The following DAAM1 variants were observed in gnomAD, a reference collection of about 807,000 sequenced individuals.
The protein encoded by DAAM1 is dishevelled associated activator of morphogenesis 1, also known as disheveled-associated activator of morphogenesis 1.
A neutral mutation model predicts 130.0 loss-of-function variants in DAAM1; 52 were observed. The ratio of observed to expected loss-of-function variants is 0.40; its 90% CI spans 0.32 to 0.50. The LOEUF is 0.50. Among genes scored for constraint, DAAM1 ranks in the 20% least tolerant of loss-of-function variants. The pLI is 0.61. For missense variants in DAAM1, 1,134 were observed against 1,303.8 expected (o/e 0.87, Z 2.01); for synonymous variants, 452 against 444.5 (o/e 1.02, Z -0.21).
At chr14:59,282,899 AT>A (rs1399307684) in intron 2 of DAAM1, among the ~76,000 whole-genome samples, 1 of 152,176 alleles carries the variant, frequency 6.6e-6, no homozygotes, top group African/African-American at 2.4e-5. Context: ...CCAAAATCAT[AT>A]GCAGAGACCC....
chr14:59,352,991 CA>C (rs34084858), intron 18 of DAAM1, among the ~76,000 whole-genome samples: 82,528 of 129,508 alleles, frequency 0.64, 24,326 homozygotes, highest in East Asian at 0.83. Flanking sequence ...GGTTGTAAAA[CA>C]AAAAAAAAAA....
intron 2 of DAAM1, among the ~76,000 whole-genome samples, chr14:59,285,416 A>T (rs1021427300): frequency 6.6e-6 from 1 of 152,174 alleles, no homozygotes; most frequent in African/African-American, 2.4e-5. Context: ...CAATGAAAGG[A>T]TCAAATCCTC....
At chr14:59,293,299 T>A (rs916680310) in intron 3 of DAAM1, among the ~76,000 whole-genome samples, 2 of 152,220 alleles carry the variant, frequency 1.3e-5, no homozygotes, top group Non-Finnish European at 2.9e-5. Flanking sequence ...TCATGGAAAC[T>A]ACTGCCCCTT....
At chr14:59,263,712 G>A (rs1371334357) in intron 2 of DAAM1, 52 bp downstream of exon 2, 1 of 1,610,542 alleles carries the variant, frequency 6.2e-7, no homozygotes, top group Admixed American at 1.7e-5. Flanking sequence ...AGAAGGAGAA[G>A]AGGAGAGGAT....
intron 2 of DAAM1, among the ~76,000 whole-genome samples, chr14:59,278,193 A>G (rs144665704): frequency 7.2e-5 from 11 of 152,262 alleles, no homozygotes; most frequent in African/African-American, 2.2e-4. Flanking sequence ...GTGTGATCAG[A>G]TGAAGTGAGG....
At chr14:59,282,980 C>G (rs1883290190) in intron 2 of DAAM1, among the ~76,000 whole-genome samples, 1 of 152,066 alleles carries the variant, frequency 6.6e-6, no homozygotes. Flanking sequence ...ATTCCTAGTT[C>G]ATATGTGTTC....
chr14:59,340,096 A>G lies in DAAM1; in HGVS notation c.1991A>G (p.Asp664Gly), dbSNP rs1374477863. The G allele has an allele frequency of 1.9e-6, 3 of 1,613,512 alleles. No individual in the cohort carries two copies. The highest frequency in any genetic ancestry group is 2.5e-6 in the Non-Finnish European group (3 of 1,179,700). ...RQQKEADAID[D>G]TLSSKLKVKE... Reference sequence around the variant, plus strand: ...CAGAAAGAAGCAGATGCCATTGATGACACTCTGAGTTCCAAACTTAAAGTT... The same window carrying G: ...CAGAAAGAAGCAGATGCCATTGATGGCACTCTGAGTTCCAAACTTAAAGTT... The change falls in exon 16 of 25, where the codon GAC becomes GGC. Residue 664 changes from aspartate (D) to glycine (G), a missense_variant. Coordinates refer to ENST00000360909, the MANE Select transcript of DAAM1 (RefSeq NM_001270520.2).
chr14:59,324,269 T>C, intron 7 of DAAM1, 31 bp downstream of exon 7: 3 of 1,378,058 alleles, frequency 2.2e-6, no homozygotes, highest in South Asian at 2.0e-5. Flanking sequence ...AAAAATATAT[T>C]AGTAAATAAT....
At chr14:59,363,883 C>G in intron 23 of DAAM1, 101 bp downstream of exon 23, 3 of 1,510,854 alleles carry the variant, frequency 2.0e-6, no homozygotes, top group Non-Finnish European at 2.7e-6. Context: ...GGAGTGAGAT[C>G]CAAACTTCGT....
At chr14:59,357,572 A>G (rs1886532358) in intron 20 of DAAM1, among the ~76,000 whole-genome samples, 1 of 152,146 alleles carries the variant, frequency 6.6e-6, no homozygotes, top group Admixed American at 6.5e-5. Flanking sequence ...AGGTCAGGAG[A>G]TGGAGACCAT....
intron 12 of DAAM1, among the ~76,000 whole-genome samples, chr14:59,328,943 G>A (rs1271424916): frequency 6.6e-6 from 1 of 152,190 alleles, no homozygotes; most frequent in Non-Finnish European, 1.5e-5. Context: ...TGTTAAAATA[G>A]TCCAAGGGTA....
chr14:59,315,425 A>T, intron 4 of DAAM1, 74 bp downstream of exon 4: 1 of 1,410,486 alleles, frequency 7.1e-7, no homozygotes, highest in Non-Finnish European at 9.9e-7. Context: ...GTTGCACAAT[A>T]AATTCGATTG....
rs576829050 is a variant in DAAM1 at position 59,226,461 on chromosome 14, G to A, written c.-37-36980G>A. 1.4e-4 allele frequency among the ~76,000 whole-genome samples: 22 copies of A among 152,240 alleles called. No individual in the cohort carries two copies. In the South Asian group the frequency reaches 4.6e-3, roughly 32 times the overall value. On this transcript the variant is annotated intron_variant, in intron 1 of 24. Transcript: ENST00000360909. ...GACTGGAAAGCATAGGAGACTTTGG[G>A]CATTTAGGGTTCCAGGAAGAAAGTC... is the stretch of plus-strand genomic sequence containing the variant.
At chr14:59,282,798 A>G (rs1313728204) in intron 2 of DAAM1, among the ~76,000 whole-genome samples, 1 of 152,194 alleles carries the variant, frequency 6.6e-6, no homozygotes, top group Non-Finnish European at 1.5e-5. Flanking sequence ...AATATAAAAC[A>G]CTACTATTAA....
chr14:59,340,016 A>T (rs1431160548), intron 15 of DAAM1, 58 bp from the exon 16 acceptor site: 1 of 1,469,682 alleles, frequency 6.8e-7, no homozygotes, highest in Non-Finnish European at 9.5e-7. Context: ...GAAAGTGTGT[A>T]TCTGAAGTCT....
intron 1 of DAAM1, among the ~76,000 whole-genome samples, chr14:59,228,820 GT>G (rs1196948536): frequency 1.9e-4 from 29 of 152,044 alleles, no homozygotes; most frequent in African/African-American, 6.8e-4. Context: ...AGATCAAAAG[GT>G]TACTTTGTTT....
rs561805587 is a variant in DAAM1, at chr14:59,196,192, T to G, written c.-38+7424T>G. Among the ~76,000 whole-genome samples the G allele has an allele frequency of 1.0e-3, 152 of 152,314 alleles. 1 individual carries two copies. The highest frequency in any genetic ancestry group is 3.6e-3 in the African/African-American group (148 of 41,566). On this transcript the variant is annotated intron_variant, in intron 1 of 24. Coordinates refer to ENST00000360909, the MANE Select transcript of DAAM1 (RefSeq NM_001270520.2). Reference sequence around the variant, plus strand: ...CAGATGCCATCAATGTGTGTTTGGGTGCTACTTCTGGACTTACTCTTAGAT... The same window carrying G: ...CAGATGCCATCAATGTGTGTTTGGGGGCTACTTCTGGACTTACTCTTAGAT...
chr14:59,284,371 G>A (rs1374884952), intron 2 of DAAM1, among the ~76,000 whole-genome samples: 1 of 152,156 alleles, frequency 6.6e-6, no homozygotes, highest in African/African-American at 2.4e-5. Context: ...ACATGTCCAT[G>A]AGTATTATAG....
chr14:59,354,056 T>A (rs1594845660), intron 19 of DAAM1, 92 bp downstream of exon 19: 1 of 1,234,096 alleles, frequency 8.1e-7, no homozygotes, highest in Non-Finnish European at 1.1e-6. Context: ...CAAGATCCCC[T>A]TGGTGATTTT....
Sources: gnomAD v4.1 joint callset for allele counts (sites outside exome capture counted in the v4.1 genomes callset) on GRCh38, gnomAD v4.1.1 for gene constraint, MANE v1.5 for transcripts, NCBI Gene and HGNC (gene_info 2026-07-23, HGNC 2026-07-21) for gene names.